ENTPD1: variants seen among roughly 807,000 people sequenced by gnomAD.
ENTPD1 encodes the protein ATP diphosphohydrolase.
In ENTPD1, 33 loss-of-function variants were observed where a neutral mutation model predicts 57.0. The ratio of observed to expected loss-of-function variants is 0.58; its 90% CI spans 0.44 to 0.77. ENTPD1 has a LOEUF of 0.77. Among genes scored for constraint, ENTPD1 ranks in the 30% least tolerant of loss-of-function variants. The pLI is 0.00. For missense variants in ENTPD1, 501 were observed against 603.4 expected (o/e 0.83, Z 1.78); for synonymous variants, 202 against 218.8 (o/e 0.92, Z 0.68).
chr10:95,718,138 T>G lies in ENTPD1; in HGVS notation c.37+6145T>G, dbSNP rs1471259953. On this transcript the variant is annotated intron_variant, in intron 1 of 9. Coordinates refer to the ENTPD1 transcript ENST00000453258. ...GTAAGGGGAGCTACTGGTAGTACAGTGGCATGGAGGAGGTGCAGTGAGAGT... is the reference window on the plus strand; with the variant it reads ...GTAAGGGGAGCTACTGGTAGTACAGGGGCATGGAGGAGGTGCAGTGAGAGT... Among the ~76,000 whole-genome samples the G allele has an allele frequency of 2.0e-5, 3 of 152,232 alleles. No individual in the cohort carries two copies. In the East Asian group the frequency reaches 5.8e-4, roughly 29 times the overall value.
intron 7 of ENTPD1, 78 bp from the exon 8 acceptor site, chr10:95,860,391 A>T: frequency 8.5e-7 from 1 of 1,176,832 alleles, no homozygotes; most frequent in East Asian, 2.6e-5. Context: ...CACCTGCACA[A>T]GGGATGCGGC....
At chr10:95,766,947 A>T (rs2098090928) in intron 1 of ENTPD1, among the ~76,000 whole-genome samples, 1 of 151,072 alleles carries the variant, frequency 6.6e-6, no homozygotes, top group South Asian at 2.1e-4. Flanking sequence ...TAGCATAATC[A>T]TAGCTCAATG....
At chr10:95,708,675 G>A (rs1047840105), upstream of ENTPD1, among the ~76,000 whole-genome samples, 1 of 152,194 alleles carries the variant, frequency 6.6e-6, no homozygotes, top group Non-Finnish European at 1.5e-5. Context: ...TAGCAAGAAT[G>A]AGGTAGTTCT....
At chr10:95,836,293 G>T (rs4412693) in intron 2 of ENTPD1, among the ~76,000 whole-genome samples, 76,375 of 151,900 alleles carry the variant, frequency 0.5, 19,704 homozygotes, top group Admixed American at 0.6. Context: ...GATTGCCTTG[G>T]CTATTTGGGC....
chr10:95,825,826 C>A (rs2098373608), intron 2 of ENTPD1, among the ~76,000 whole-genome samples: 1 of 152,168 alleles, frequency 6.6e-6, no homozygotes, highest in Non-Finnish European at 1.5e-5. Flanking sequence ...GATCTGCCTG[C>A]CTCAGCCTCC....
In ENTPD1 at chr10:95,869,874, C is replaced by T. The variant is rs887123597; in HGVS notation, c.*3491C>T. On this transcript the variant is annotated 3_prime_UTR_variant, in exon 10 of 10. Transcript: ENST00000371205. ...TTTTCAAAATATTTTGTGTCTATTA[C>T]ATTTACAGCACATCTTAATTAGGAC... 1.2e-5 allele frequency: 10 copies of T among 801,192 alleles called. No individual in the cohort carries two copies. Among genetic ancestry groups the T allele is most frequent in the Non-Finnish European group, 1.5e-5 (10 of 662,216 alleles). The allele number at this position is 801,192 out of a possible 1,614,324, so 49.6% of individuals were successfully genotyped here. A position where few individuals can be genotyped will look rare whatever the true frequency, so the allele number is the denominator to read the frequency against.
chr10:95,732,277 C>T (rs1312048583), intron 1 of ENTPD1, among the ~76,000 whole-genome samples: 1 of 152,084 alleles, frequency 6.6e-6, no homozygotes, highest in East Asian at 1.9e-4. Flanking sequence ...TAGAGAAGAG[C>T]TTGTTCTGCC....
At chr10:95,859,348 C>T (rs563366754) in intron 7 of ENTPD1, among the ~76,000 whole-genome samples, 11 of 152,254 alleles carry the variant, frequency 7.2e-5, no homozygotes, top group East Asian at 1.9e-4. Context: ...TTTGCCTATG[C>T]GAATTACACT....
intron 1 of ENTPD1, among the ~76,000 whole-genome samples, chr10:95,794,447 C>T (rs2098218197): frequency 6.6e-6 from 1 of 152,156 alleles, no homozygotes; most frequent in African/African-American, 2.4e-5. Flanking sequence ...TGATTCCCAA[C>T]CCTGGCTGCA....
intron 1 of ENTPD1, among the ~76,000 whole-genome samples, chr10:95,758,062 T>C (rs1288651201): frequency 6.7e-6 from 1 of 149,408 alleles, no homozygotes; most frequent in Non-Finnish European, 1.5e-5. Flanking sequence ...CCTCTGCTTC[T>C]GGTTTTTCTT....
chr10:95,708,974 A>G (rs1264161993), upstream of ENTPD1, among the ~76,000 whole-genome samples: 1 of 152,242 alleles, frequency 6.6e-6, no homozygotes, highest in African/African-American at 2.4e-5. Flanking sequence ...GCATTTCTTC[A>G]TTTTTAAAAA....
intron 1 of ENTPD1, among the ~76,000 whole-genome samples, chr10:95,810,128 A>C (rs1315396831): frequency 7.6e-6 from 1 of 132,432 alleles, no homozygotes; most frequent in Non-Finnish European, 1.6e-5. Context: ...GGCGCTCCTC[A>C]CCTCCCGGAC....
chr10:95,736,249 G>A (rs1045426188), intron 1 of ENTPD1, among the ~76,000 whole-genome samples: 15 of 151,906 alleles, frequency 9.9e-5, no homozygotes, highest in African/African-American at 3.1e-4. Flanking sequence ...TGATCCACCT[G>A]CCTCGGCCTC....
intron 1 of ENTPD1, among the ~76,000 whole-genome samples, chr10:95,778,222 T>C (rs1158269987): frequency 6.6e-6 from 1 of 152,196 alleles, no homozygotes; most frequent in Non-Finnish European, 1.5e-5. Context: ...ACCTGTCTTC[T>C]TTGTCAGTCA....
At chr10:95,811,530 A>G (rs2098307548) in intron 1 of ENTPD1, among the ~76,000 whole-genome samples, 1 of 151,556 alleles carries the variant, frequency 6.6e-6, no homozygotes, top group South Asian at 2.1e-4. Context: ...TGGGACCACA[A>G]GCACACGCCA....
the ENTPD1 span, among the ~76,000 whole-genome samples, chr10:95,696,043 A>T: frequency 1.3e-5 from 2 of 152,196 alleles, no homozygotes; most frequent in African/African-American, 4.8e-5. Context: ...ACTCTCAAAT[A>T]GTGTTAAATT....
Position 95,866,727 on chromosome 10 carries a change from T to A in ENTPD1, c.*344T>A. ...GTCTAGAAGAACTGAGAGTCTTGAG[T>A]CCTGTGATAGGAGGCTGAGCTGGCT... On this transcript the variant is annotated 3_prime_UTR_variant, in exon 10 of 10. Coordinates refer to ENST00000371205, the MANE Select transcript of ENTPD1 (RefSeq NM_001776.6). The A allele has an allele frequency of 8.6e-7, 1 of 1,163,572 alleles. No individual in the cohort carries two copies. Among genetic ancestry groups the A allele is most frequent in the South Asian group, 1.8e-5 (1 of 54,696 alleles). The allele number at this position is 1,163,572 out of a possible 1,614,324, so 72.1% of individuals were successfully genotyped here.
chr10:95,823,106 G>A (rs1236394239), intron 1 of ENTPD1, 131 bp from the exon 2 acceptor site: 1 of 1,054,770 alleles, frequency 9.5e-7, no homozygotes, highest in Non-Finnish European at 1.4e-6. Flanking sequence ...GTACCTCATT[G>A]ATAAAAAAGA....
Position 95,864,878 on chromosome 10 carries a change from T to C in ENTPD1, c.1326+17T>C. ...ATTGGCAAGGTAATTTGGGGGCCTG[T>C]TGGGCTGGGGGGAGGTTGGGGTTCG... On this transcript the variant is annotated intron_variant, in intron 9 of 9. Transcript: ENST00000371205. 1 of 1,612,242 alleles carries C rather than the reference T, an allele frequency of 6.2e-7. No individual in the cohort carries two copies. The highest frequency in any genetic ancestry group is 1.1e-5 in the South Asian group (1 of 90,980).
Sources: gnomAD v4.1 joint callset for allele counts (sites outside exome capture counted in the v4.1 genomes callset) on GRCh38, gnomAD v4.1.1 for gene constraint, MANE v1.5 for transcripts, NCBI Gene and HGNC (gene_info 2026-07-23, HGNC 2026-07-21) for gene names.